Variants in ADARB2 observed in about 807,000 individuals in gnomAD.
ADARB2 encodes inactive double-stranded RNA-specific editase B2.
Under a neutral mutation model 62.2 loss-of-function variants are expected in ADARB2, and 25 were observed. That is an observed-to-expected ratio of 0.40 (90% CI 0.29 to 0.56). The LOEUF is 0.56. ADARB2 is among the 20% of genes least tolerant of loss of function. ADARB2 has a pLI of 0.43. For synonymous variants in ADARB2, 572 were observed against 500.8 expected (o/e 1.14, Z -1.90); for missense variants, 1,071 against 1,077.4 (o/e 0.99, Z 0.08).
chr10:1,382,963 C>T (rs900664764), intron 1 of ADARB2, among the ~76,000 whole-genome samples: 7 of 152,188 alleles, frequency 4.6e-5, no homozygotes, highest in South Asian at 2.1e-4. Flanking sequence ...ACCTGGGGGA[C>T]GCAGTGGCCT....
At chr10:1,358,084 G>GA (rs1292847035) in intron 3 of ADARB2, among the ~76,000 whole-genome samples, 7 of 152,204 alleles carry the variant, frequency 4.6e-5, no homozygotes, top group Non-Finnish European at 8.8e-5. Context: ...GAGAGAAGGA[G>GA]AAAAAAATCA....
chr10:1,555,899 C>T (rs1326791042), intron 1 of ADARB2, among the ~76,000 whole-genome samples: 1 of 152,100 alleles, frequency 6.6e-6, no homozygotes, highest in Non-Finnish European at 1.5e-5. Context: ...CACACCACTG[C>T]ACTCCAGCCT....
intron 1 of ADARB2, among the ~76,000 whole-genome samples, chr10:1,468,839 T>C (rs1189415423): frequency 6.6e-6 from 1 of 152,240 alleles, no homozygotes; most frequent in African/African-American, 2.4e-5. Context: ...CGTGCCCAAG[T>C]GGGACACAGC....
chr10:1,435,840 A>G (rs913109966), intron 1 of ADARB2, among the ~76,000 whole-genome samples: 1 of 152,246 alleles, frequency 6.6e-6, no homozygotes, highest in African/African-American at 2.4e-5. Context: ...TACGACATTC[A>G]GCAAAATGAG....
intron 1 of ADARB2, among the ~76,000 whole-genome samples, chr10:1,437,261 C>CATATAT (rs1447944374): frequency 5.3e-5 from 8 of 151,788 alleles, no homozygotes; most frequent in Non-Finnish European, 7.4e-5. Context: ...TACACACACA[C>CATATAT]ACACATGCAC....
At chr10:1,264,602 A>G (rs1831176430) in intron 4 of ADARB2, among the ~76,000 whole-genome samples, 1 of 152,218 alleles carries the variant, frequency 6.6e-6, no homozygotes, top group African/African-American at 2.4e-5. Context: ...TCTTTACCTT[A>G]TGTGCTCATT....
At chr10:1,334,972 T>C (rs1286882470) in intron 3 of ADARB2, among the ~76,000 whole-genome samples, 7 of 152,228 alleles carry the variant, frequency 4.6e-5, no homozygotes, top group Non-Finnish European at 8.8e-5. Context: ...CTAAAAATCA[T>C]GTGGGGCCCT....
At chr10:1,526,755 C>G (rs61745914) in intron 1 of ADARB2, 1 of 440,670 alleles carries the variant, frequency 2.3e-6, no homozygotes, top group East Asian at 6.9e-5. Flanking sequence ...GCAACACACA[C>G]GGACTGAGCC....
intron 1 of ADARB2, among the ~76,000 whole-genome samples, chr10:1,602,695 TACACAC>T (rs57066959): frequency 7.4e-6 from 1 of 134,766 alleles, no homozygotes; most frequent in African/African-American, 2.7e-5. Context: ...CACCTGTACA[TACACAC>T]ATCCACACAC....
Position 1,182,929 on chromosome 10 carries a change from C to T in ADARB2, c.*264G>A. On this transcript the variant is annotated 3_prime_UTR_variant, in exon 10 of 10. Transcript: ENST00000381312. Reference sequence around the variant, plus strand: ...CCCTTTGCCTGAATGGAGCCCCTCCCTCAGACTCCACAGGAAGAGTCGGCG... The same window carrying T: ...CCCTTTGCCTGAATGGAGCCCCTCCTTCAGACTCCACAGGAAGAGTCGGCG... 2.3e-6 allele frequency: 1 copy of T among 436,016 alleles called. No homozygotes were observed. The highest frequency in any genetic ancestry group is 4.1e-6 in the Non-Finnish European group (1 of 241,542). The allele number at this position is 436,016 out of a possible 1,614,324, so 27.0% of individuals were successfully genotyped here.
At chr10:1,579,987 T>C (rs1346418045) in intron 1 of ADARB2, among the ~76,000 whole-genome samples, 1 of 152,226 alleles carries the variant, frequency 6.6e-6, no homozygotes, top group Non-Finnish European at 1.5e-5. Context: ...TAGTTATCCC[T>C]GTTCACGAAA....
At chr10:1,389,564 A>G (rs982535237) in intron 1 of ADARB2, among the ~76,000 whole-genome samples, 2 of 152,004 alleles carry the variant, frequency 1.3e-5, no homozygotes, top group Admixed American at 1.3e-4. Context: ...GCCACATGGT[A>G]AAACCCCATC....
chr10:1,650,355 T>C (rs1276924696), intron 1 of ADARB2, among the ~76,000 whole-genome samples: 2 of 152,138 alleles, frequency 1.3e-5, no homozygotes, highest in African/African-American at 4.8e-5. Context: ...TAGGTCAGCA[T>C]CCACATTACC....
At chr10:1,243,000 C>T (rs1416607176) in intron 4 of ADARB2, among the ~76,000 whole-genome samples, 1 of 152,246 alleles carries the variant, frequency 6.6e-6, no homozygotes, top group South Asian at 2.1e-4. Flanking sequence ...CCAATGTTTG[C>T]TGTGCTCTAA....
At chr10:1,450,497 G>T (rs1291219879) in intron 1 of ADARB2, among the ~76,000 whole-genome samples, 3 of 152,222 alleles carry the variant, frequency 2.0e-5, no homozygotes, top group Non-Finnish European at 4.4e-5. Context: ...TCCTGCACCT[G>T]CAAATGCCTC....
At chr10:1,186,036 C>T (rs1050606821) in intron 8 of ADARB2, among the ~76,000 whole-genome samples, 6 of 152,194 alleles carry the variant, frequency 3.9e-5, no homozygotes, top group Non-Finnish European at 7.3e-5. Context: ...GGGCACCTGC[C>T]GAGACCCTGC....
chr10:1,554,300 C>T (rs893995773), intron 1 of ADARB2, among the ~76,000 whole-genome samples: 2 of 152,206 alleles, frequency 1.3e-5, no homozygotes, highest in Non-Finnish European at 2.9e-5. Flanking sequence ...GGCTCCCAGT[C>T]CTTCCCTGGC....
At chr10:1,492,412 C>T (rs1052874606) in intron 1 of ADARB2, among the ~76,000 whole-genome samples, 1 of 152,014 alleles carries the variant, frequency 6.6e-6, no homozygotes, top group Non-Finnish European at 1.5e-5. Context: ...CAAAGAGAGT[C>T]GTGAGGGAAC....
At chr10:1,599,732 G>T (rs747868459) in intron 1 of ADARB2, among the ~76,000 whole-genome samples, 1 of 152,090 alleles carries the variant, frequency 6.6e-6, no homozygotes, top group Non-Finnish European at 1.5e-5. Context: ...GGAAGCCTTT[G>T]TGAAACTTTG....
Sources: gnomAD v4.1 joint callset for allele counts (sites outside exome capture counted in the v4.1 genomes callset) on GRCh38, gnomAD v4.1.1 for gene constraint, MANE v1.5 for transcripts, NCBI Gene and HGNC (gene_info 2026-07-23, HGNC 2026-07-21) for gene names.